Variants in KIAA1958 observed in about 807,000 individuals in gnomAD.
The protein encoded by KIAA1958 is KIAA1958, also known as uncharacterized protein KIAA1958.
Under a neutral mutation model 47.2 loss-of-function variants are expected in KIAA1958, and 14 were observed. The observed-to-expected ratio is 0.30, with a 90% CI of 0.20 to 0.46. The LOEUF is 0.46. Ranked by LOEUF, KIAA1958 falls within the 20% of genes least tolerant of loss-of-function variation. KIAA1958 has a pLI of 1.00. For missense variants in KIAA1958, 803 were observed against 909.2 expected, an observed-to-expected ratio of 0.88 and a Z score of 1.50; for synonymous variants, 354 against 353.3, an observed-to-expected ratio of 1.00 and a Z score of -0.02.
chr9:112,599,925 A>G (rs570945944), intron 2 of KIAA1958, among the ~76,000 whole-genome samples: 5 of 152,332 alleles, frequency 3.3e-5, no homozygotes, highest in South Asian at 4.1e-4. Context: ...CTAATAAGCA[A>G]TATATCAATG....
Position 112,574,754 on chromosome 9 carries a change from G to T in KIAA1958, c.674G>T (p.Gly225Val). ...ANAELTGGVD[G>V]PALSLTQMAK... The stretch of plus-strand genomic sequence containing the variant: ...GCAGAACTGACAGGAGGAGTAGATG[G>T]ACCAGCCCTGTCCTTGACACAGATG... The change falls in exon 2 of 4, where the codon GGA (glycine) becomes GTA (valine). Residue 225 changes from glycine to valine, a missense_variant. Transcript: ENST00000337530. The T allele has an allele frequency of 6.2e-7, 1 of 1,614,110 alleles. No individual in the cohort carries two copies. Among genetic ancestry groups the T allele is most frequent in the Non-Finnish European group, 8.5e-7 (1 of 1,180,006 alleles).
intron 1 of KIAA1958, among the ~76,000 whole-genome samples, chr9:112,505,838 G>A (rs1354681999): frequency 6.6e-6 from 1 of 152,174 alleles, no homozygotes; most frequent in African/African-American, 2.4e-5. Context: ...GTTTACTGGA[G>A]CAGACAGGAA....
intron 3 of KIAA1958, 141 bp from the exon 4 acceptor site, chr9:112,659,122 G>A: frequency 3.1e-6 from 2 of 645,700 alleles, no homozygotes. Context: ...CTTCCAGTTT[G>A]AAATTCACTG....
chr9:112,550,557 A>G (rs186248190), intron 1 of KIAA1958, among the ~76,000 whole-genome samples: 12 of 152,302 alleles, frequency 7.9e-5, no homozygotes, highest in Admixed American at 7.8e-4. Flanking sequence ...GCTCACAGTT[A>G]TTGTTACTAC....
At chr9:112,571,894 CTTTT>C (rs35308071) in intron 1 of KIAA1958, among the ~76,000 whole-genome samples, 2 of 141,588 alleles carry the variant, frequency 1.4e-5, no homozygotes, top group Non-Finnish European at 1.5e-5. Flanking sequence ...CAATCTATGT[CTTTT>C]TTTTTTTTTT....
intron 2 of KIAA1958, among the ~76,000 whole-genome samples, chr9:112,627,805 C>T (rs1456123302): frequency 1.3e-5 from 2 of 152,166 alleles, no homozygotes; most frequent in East Asian, 1.9e-4. Flanking sequence ...TTATTAAGAA[C>T]CATTGAAACC....
In KIAA1958 at chr9:112,550,689, C is replaced by T. The variant is rs1016829653; in HGVS notation, c.-24-23368C>T. Among the ~76,000 whole-genome samples, 13 of 152,296 alleles carry T rather than the reference C, an allele frequency of 8.5e-5. No individual in the cohort carries two copies. The East Asian group carries it at 1.7e-3, about 20-fold the overall frequency. On this transcript the variant is annotated intron_variant, in intron 1 of 3. Transcript: ENST00000337530. Reference sequence around the variant, plus strand: ...GAATCACATGAGGAATGTCTCCCAACGACAATGCATGACAAAACATGTGAA... The same window carrying T: ...GAATCACATGAGGAATGTCTCCCAATGACAATGCATGACAAAACATGTGAA...
At position 112,668,192 on chromosome 9, in the gene KIAA1958, A is replaced by G. The variant is rs1001039846; in HGVS notation, c.*8123A>G. ...CGTTGGGGGTGTAATAACCTAGACT[A>G]GAGCTTATAGACTGAAGCCCATGTG... On this transcript the variant is annotated 3_prime_UTR_variant, in exon 4 of 4. Coordinates refer to ENST00000337530, the MANE Select transcript of KIAA1958 (RefSeq NM_133465.4). The G allele has an allele frequency of 6.6e-6, 1 of 152,234 alleles. No individual in the cohort carries two copies. The highest frequency in any genetic ancestry group is 2.4e-5 in the African/African-American group (1 of 41,450). The allele number at this position is 152,234 out of a possible 1,614,324, so 9.4% of individuals were successfully genotyped here.
rs989709304 is a variant in KIAA1958, at chr9:112,662,546, G to A, written c.*2477G>A. The A allele has an allele frequency of 1.3e-5, 2 of 152,384 alleles. No individual in the cohort carries two copies. Among genetic ancestry groups the A allele is most frequent in the African/African-American group, 4.8e-5 (2 of 41,468 alleles). 9.4% of individuals were successfully genotyped at this position (152,384 alleles called of 1,614,324 possible). On this transcript the variant is annotated 3_prime_UTR_variant, in exon 4 of 4. Coordinates refer to ENST00000337530, the MANE Select transcript of KIAA1958 (RefSeq NM_133465.4). Reference sequence around the variant, plus strand: ...CGCGTGGCTCACGCCTATAATCCCAGCACTTTGGGAGGCCAAGGTGGGCAG... The same window carrying A: ...CGCGTGGCTCACGCCTATAATCCCAACACTTTGGGAGGCCAAGGTGGGCAG...
intron 1 of KIAA1958, among the ~76,000 whole-genome samples, chr9:112,490,299 A>G (rs1418918442): frequency 6.6e-6 from 1 of 151,774 alleles, no homozygotes; most frequent in Non-Finnish European, 1.5e-5. Flanking sequence ...AAACCTGCTC[A>G]TAATATTTAC....
chr9:112,571,359 A>AT (rs1303382354), intron 1 of KIAA1958, among the ~76,000 whole-genome samples: 1 of 152,154 alleles, frequency 6.6e-6, no homozygotes, highest in Non-Finnish European at 1.5e-5. Context: ...TATGATTGTG[A>AT]TTTTGGGGAT....
chr9:112,611,619 A>G (rs1267781493), intron 2 of KIAA1958, among the ~76,000 whole-genome samples: 1 of 152,126 alleles, frequency 6.6e-6, no homozygotes. Flanking sequence ...GCAATAATCT[A>G]TTCTTATAGA....
At chr9:112,644,049 T>C (rs928872486) in intron 2 of KIAA1958, among the ~76,000 whole-genome samples, 3 of 151,756 alleles carry the variant, frequency 2.0e-5, no homozygotes, top group Non-Finnish European at 4.4e-5. Context: ...GTAGTGGTGG[T>C]CACCAGGAGT....
At chr9:112,586,048 A>T (rs145232050) in intron 2 of KIAA1958, among the ~76,000 whole-genome samples, 2 of 152,230 alleles carry the variant, frequency 1.3e-5, no homozygotes, top group Non-Finnish European at 2.9e-5. Flanking sequence ...AAAGAAAGAC[A>T]TCTCAAACAC....
At chr9:112,509,313 G>A (rs1251706328) in intron 1 of KIAA1958, among the ~76,000 whole-genome samples, 1 of 149,316 alleles carries the variant, frequency 6.7e-6, no homozygotes, top group African/African-American at 2.5e-5. Context: ...CGATTCTCCT[G>A]CCCCAGCCTC....
chr9:112,564,366 G>A (rs1211604358), intron 1 of KIAA1958, among the ~76,000 whole-genome samples: 1 of 152,120 alleles, frequency 6.6e-6, no homozygotes, highest in Non-Finnish European at 1.5e-5. Flanking sequence ...ATCAGCAGTA[G>A]AGATCTAGTG....
chr9:112,534,210 G>T (rs1834813756), intron 1 of KIAA1958, among the ~76,000 whole-genome samples: 1 of 152,164 alleles, frequency 6.6e-6, no homozygotes, highest in African/African-American at 2.4e-5. Context: ...CATGTCTCAA[G>T]ATTACTGTTC....
intron 1 of KIAA1958, 64 bp downstream of exon 1, chr9:112,487,182 C>T: frequency 1.1e-5 from 2 of 189,346 alleles, no homozygotes; most frequent in South Asian, 7.2e-5. Flanking sequence ...AGGCGGGGAG[C>T]CCCTTTGTGT....
chr9:112,530,192 T>TTGACATAAATA (rs1834730985), intron 1 of KIAA1958, among the ~76,000 whole-genome samples: 5 of 152,348 alleles, frequency 3.3e-5, no homozygotes, highest in Admixed American at 3.3e-4. Context: ...TATTTGGCAT[T>TTGACATAAATA]CTTCTGTAGA....
Sources: gnomAD v4.1 joint callset for allele counts (sites outside exome capture counted in the v4.1 genomes callset) on GRCh38, gnomAD v4.1.1 for gene constraint, MANE v1.5 for transcripts, NCBI Gene and HGNC (gene_info 2026-07-23, HGNC 2026-07-21) for gene names.